The following OSCP1 variants were observed in gnomAD, a reference collection of about 807,000 sequenced individuals.
OSCP1 encodes organic solute carrier partner 1.
OSCP1 carries 35 observed loss-of-function variants against 45.1 expected under a neutral mutation model. The observed-to-expected ratio is 0.78, with a 90% CI of 0.59 to 1.03. OSCP1 has a LOEUF of 1.03. Ranked by LOEUF, OSCP1 falls within the 50% of genes least tolerant of loss-of-function variation. The pLI is 0.00. For missense variants in OSCP1, 400 were observed against 470.7 expected, an observed-to-expected ratio of 0.85 and a Z score of 1.39; for synonymous variants, 179 against 180.1, an observed-to-expected ratio of 0.99 and a Z score of 0.05.
intron 4 of OSCP1, chr1:36,428,205 AAAAAAG>A: frequency 7.4e-7 from 1 of 1,357,204 alleles, no homozygotes; most frequent in South Asian, 1.7e-5. Flanking sequence ...AAAAAAAAAA[AAAAAAG>A]AAAGAAAAAT....
chr1:36,430,284 G>A (rs934676506), intron 4 of OSCP1, among the ~76,000 whole-genome samples: 5 of 151,932 alleles, frequency 3.3e-5, no homozygotes, highest in African/African-American at 1.2e-4. Flanking sequence ...CAAGTGATCC[G>A]TCCACCTTGG....
At chr1:36,436,869 C>G (rs1407696890) in intron 2 of OSCP1, among the ~76,000 whole-genome samples, 1 of 152,078 alleles carries the variant, frequency 6.6e-6, no homozygotes, top group Non-Finnish European at 1.5e-5. Context: ...CTTTGGTGAC[C>G]TTGATAGTTT....
chr1:36,423,558 C>T, intron 4 of OSCP1, 92 bp from the exon 5 acceptor site: 2 of 990,936 alleles, frequency 2.0e-6, no homozygotes, highest in Non-Finnish European at 3.0e-6. Flanking sequence ...GGTTTGGGAA[C>T]ATGACCTATG....
Position 36,443,991 on chromosome 1 carries a change from G to A in OSCP1, c.113-5081C>T, listed in dbSNP as rs113362126. On this transcript the variant is annotated intron_variant, in intron 1 of 9. Coordinates refer to ENST00000235532, the MANE Select transcript of OSCP1 (RefSeq NM_145047.5). ...GATGCACACTGAACACATGCAGCCC[G>A]GAGATAGCATACCTCGTTTTCTGTC... 9.7e-5 allele frequency: 156 copies of A among 1,612,608 alleles called. 1 individual carries two copies. The African/African-American group carries it at 9.9e-4, about 10-fold the overall frequency.
intron 9 of OSCP1, 109 bp from the exon 10 acceptor site, chr1:36,418,364 G>A (rs1647400647): frequency 1.2e-6 from 1 of 849,982 alleles, no homozygotes; most frequent in South Asian, 1.5e-5. Flanking sequence ...TGTTTCAGTT[G>A]CGCACCTGTT....
rs563451569 is a variant in OSCP1, at chr1:36,428,853, G to A, written c.516+2949C>T. 5.3e-5 allele frequency among the ~76,000 whole-genome samples: 8 copies of A among 152,288 alleles called. No homozygotes were observed. The East Asian group carries it at 1.4e-3, about 26-fold the overall frequency. On this transcript the variant is annotated intron_variant, in intron 4 of 9. Transcript: ENST00000235532. The stretch of plus-strand genomic sequence containing the variant: ...TCAGCTGTTTGGGAGGCTGAGGCAG[G>A]AGAATTGCTTGAACCCGGGAGGTGG...
chr1:36,441,609 G>A (rs1296397037), intron 1 of OSCP1, among the ~76,000 whole-genome samples: 5 of 151,632 alleles, frequency 3.3e-5, no homozygotes, highest in Admixed American at 3.3e-4. Flanking sequence ...AAAATTAGCC[G>A]GGCGTGATGG....
At position 36,431,793 on chromosome 1, in the gene OSCP1, T is replaced by G. The variant is rs756271396; in HGVS notation, c.516+9A>C. 1 of 1,613,108 alleles carries G rather than the reference T, an allele frequency of 6.2e-7. No individual in the cohort carries two copies. Among genetic ancestry groups the G allele is most frequent in the Non-Finnish European group, 8.5e-7 (1 of 1,179,744 alleles). ...TCCTGAGTGTTCCCAGGGCTGCCTA[T>G]TGACTTACTCGGATGTGCAGGTCTT... is the stretch of plus-strand genomic sequence containing the variant. On this transcript the variant is annotated intron_variant, in intron 4 of 9. Coordinates refer to ENST00000235532, the MANE Select transcript of OSCP1 (RefSeq NM_145047.5).
At chr1:36,448,799 G>A (rs537953626) in intron 1 of OSCP1, among the ~76,000 whole-genome samples, 35 of 152,350 alleles carry the variant, frequency 2.3e-4, no homozygotes, top group African/African-American at 7.9e-4. Context: ...GCAGGCAGTG[G>A]TGGAAGAAGG....
At chr1:36,446,237 G>A (rs1182387991) in intron 1 of OSCP1, among the ~76,000 whole-genome samples, 1 of 152,130 alleles carries the variant, frequency 6.6e-6, no homozygotes, top group African/African-American at 2.4e-5. Context: ...TGGCCAGGCT[G>A]GTCTCGAACT....
intron 1 of OSCP1, among the ~76,000 whole-genome samples, chr1:36,439,680 G>A (rs1269803402): frequency 6.6e-6 from 1 of 152,184 alleles, no homozygotes; most frequent in Non-Finnish European, 1.5e-5. Context: ...CACTTGTAAT[G>A]TTGCTATAAG....
chr1:36,422,625 C>T, intron 6 of OSCP1, 143 bp downstream of exon 6: 2 of 815,242 alleles, frequency 2.5e-6, no homozygotes, highest in Non-Finnish European at 3.7e-6. Flanking sequence ...TGTCAGGCCT[C>T]TGTATGCAGT....
chr1:36,423,116 T>C (rs1380334471), intron 5 of OSCP1, among the ~76,000 whole-genome samples: 2 of 152,200 alleles, frequency 1.3e-5, no homozygotes, highest in Non-Finnish European at 1.5e-5. Context: ...ATTATCTTAT[T>C]CATCCACACA....
At chr1:36,425,696 G>C (rs1174340385) in intron 4 of OSCP1, among the ~76,000 whole-genome samples, 1 of 148,568 alleles carries the variant, frequency 6.7e-6, no homozygotes, top group Non-Finnish European at 1.5e-5. Flanking sequence ...CCTTGTCACT[G>C]TATTCCAGCC....
At chr1:36,425,917 T>C (rs557845127) in intron 4 of OSCP1, among the ~76,000 whole-genome samples, 1 of 152,174 alleles carries the variant, frequency 6.6e-6, no homozygotes, top group South Asian at 2.1e-4. Context: ...GAATGACTGC[T>C]GGCATGCCGG....
At chr1:36,423,146 G>A (rs1647754287) in intron 5 of OSCP1, among the ~76,000 whole-genome samples, 1 of 152,148 alleles carries the variant, frequency 6.6e-6, no homozygotes, top group Admixed American at 6.6e-5. Flanking sequence ...TAACAGATGA[G>A]GAAATTAGTC....
At chr1:36,446,069 C>G (rs1649511389) in intron 1 of OSCP1, among the ~76,000 whole-genome samples, 1 of 151,922 alleles carries the variant, frequency 6.6e-6, no homozygotes, top group African/African-American at 2.4e-5. Flanking sequence ...GTCGCCCAGG[C>G]TAGAGTGCAG....
chr1:36,435,116 TG>T (rs1648637192), intron 2 of OSCP1, among the ~76,000 whole-genome samples: 1 of 142,634 alleles, frequency 7.0e-6, no homozygotes. Context: ...TTTTTTGACA[TG>T]GGGGTCTCAC....
chr1:36,421,906 G>A (rs952688321), intron 7 of OSCP1: 9 of 564,906 alleles, frequency 1.6e-5, no homozygotes, highest in Admixed American at 3.0e-5. Context: ...GTCCTGGTGT[G>A]TGGTTCCTCT....
Sources: allele counts gnomAD v4.1 joint callset (sites outside exome capture counted in the v4.1 genomes callset), GRCh38; gene constraint gnomAD v4.1.1; transcripts MANE v1.5; gene names NCBI Gene and HGNC (gene_info 2026-07-23, HGNC 2026-07-21).